The following TTYH3 variants were observed in gnomAD, a reference collection of about 807,000 sequenced individuals.
TTYH3 encodes tweety family member 3.
In TTYH3, 23 loss-of-function variants were observed where a neutral mutation model predicts 68.2. The ratio of observed to expected loss-of-function variants is 0.34; its 90% confidence interval spans 0.24 to 0.48. The LOEUF is 0.48. Among genes scored for constraint, TTYH3 ranks in the 20% least tolerant of loss-of-function variants. The pLI is 0.99. For missense variants in TTYH3, 768 were observed against 727.7 expected (o/e 1.06, Z -0.64); for synonymous variants, 360 against 332.8 (o/e 1.08, Z -0.89).
In TTYH3 at chr7:2,647,034, G is replaced by A. The variant is rs376965817; in HGVS notation, c.293+12G>A. 1,000 of 1,545,586 alleles carry A rather than the reference G, an allele frequency of 6.5e-4. 1 individual carries two copies. Among genetic ancestry groups the A allele is most frequent in the Non-Finnish European group, 7.3e-4 (837 of 1,149,186 alleles). Reference sequence around the variant, plus strand: ...ACGCTGGTGTGCAGGTGAGCGCGGTGGGGCGGGGACGGAGGGCGGGGCCAG... The same window carrying A: ...ACGCTGGTGTGCAGGTGAGCGCGGTAGGGCGGGGACGGAGGGCGGGGCCAG... On this transcript the variant is annotated intron_variant, in intron 2 of 13. Transcript: ENST00000258796.
chr7:2,644,213 G>A (rs971368358), intron 1 of TTYH3, among the ~76,000 whole-genome samples: 11 of 152,320 alleles, frequency 7.2e-5, no homozygotes, highest in East Asian at 3.9e-4. Flanking sequence ...CTGTTCTGCC[G>A]TTGGCCTCTG....
At chr7:2,661,610 C>T (rs1478204595) in intron 13 of TTYH3, 58 bp from the exon 14 acceptor site, 5 of 1,559,592 alleles carry the variant, frequency 3.2e-6, no homozygotes, top group East Asian at 2.3e-5. Flanking sequence ...GGAAGGCGCC[C>T]CTGGCTGCGT....
intron 13 of TTYH3, chr7:2,659,937 T>G: frequency 8.5e-7 from 1 of 1,182,874 alleles, no homozygotes; most frequent in Non-Finnish European, 1.1e-6. Flanking sequence ...CGGGCCCTCC[T>G]AGCGCTATCT....
rs148239402 is a variant in TTYH3, at chr7:2,658,495, C to T, written c.1424+36C>T. ...GTGGGCCTAGTGGGGCCAGCGGACA[C>T]GTCAGCTGCGGCTGAGAGCGCGGAT... On this transcript the variant is annotated intron_variant, in intron 12 of 13. Coordinates refer to ENST00000258796, the MANE Select transcript of TTYH3 (RefSeq NM_025250.3). 1,198 of 1,578,050 alleles carry T rather than the reference C, an allele frequency of 7.6e-4. 20 individuals are homozygous for T. In the East Asian group the frequency reaches 0.018, roughly 24 times the overall value.
rs182340428 is a variant in TTYH3, at chr7:2,635,340, C to T, written c.123+3062C>T. On this transcript the variant is annotated intron_variant, in intron 1 of 13. Transcript: ENST00000258796. ...CTGCACCCTCGCTCTGTCGCTTCTT[C>T]CTGCGTGACCTTGGGTGGTCCAGAC... Among the ~76,000 whole-genome samples the T allele has an allele frequency of 3.9e-4, 60 of 152,332 alleles. 1 individual carries two copies. The highest frequency in any genetic ancestry group is 1.3e-3 in the African/African-American group (54 of 41,586).
At chr7:2,640,724 A>T (rs890249961) in intron 1 of TTYH3, among the ~76,000 whole-genome samples, 7 of 152,224 alleles carry the variant, frequency 4.6e-5, no homozygotes, top group Admixed American at 3.9e-4. Flanking sequence ...GGGCATGGCC[A>T]GGAGGCCGCG....
intron 1 of TTYH3, among the ~76,000 whole-genome samples, chr7:2,644,524 C>T (rs370852983): frequency 2.0e-5 from 3 of 152,192 alleles, no homozygotes; most frequent in African/African-American, 4.8e-5. Context: ...ACCATGAGAC[C>T]GCCCTGAGCT....
At chr7:2,659,639 G>A (rs554524550) in intron 13 of TTYH3, among the ~76,000 whole-genome samples, 3 of 152,284 alleles carry the variant, frequency 2.0e-5, no homozygotes, top group African/African-American at 7.2e-5. Context: ...CTGGGGGACC[G>A]GGGAGGGGGC....
At chr7:2,653,878 A>C (rs1460180570) in intron 9 of TTYH3, among the ~76,000 whole-genome samples, 2 of 152,010 alleles carry the variant, frequency 1.3e-5, no homozygotes, top group African/African-American at 4.8e-5. Context: ...ATAAAATAAA[A>C]ATAAAAAATA....
intron 1 of TTYH3, among the ~76,000 whole-genome samples, chr7:2,642,357 G>A (rs931485714): frequency 6.6e-6 from 1 of 151,666 alleles, no homozygotes; most frequent in African/African-American, 2.4e-5. Flanking sequence ...GCTGGCCAAC[G>A]TGGTGAACTC....
chr7:2,644,942 G>T (rs754917333), intron 1 of TTYH3, among the ~76,000 whole-genome samples: 3 of 152,260 alleles, frequency 2.0e-5, no homozygotes, highest in African/African-American at 4.8e-5. Context: ...CATCCCAAGG[G>T]GGGGCCAGGC....
At chr7:2,648,301 G>T in intron 5 of TTYH3, 2 of 493,122 alleles carry the variant, frequency 4.1e-6, no homozygotes, top group Non-Finnish European at 7.2e-6. Flanking sequence ...TCTGCACGTG[G>T]GGCACTTGTA....
intron 13 of TTYH3, among the ~76,000 whole-genome samples, chr7:2,661,043 C>T (rs926320647): frequency 2.8e-5 from 4 of 143,730 alleles, no homozygotes; most frequent in Non-Finnish European, 6.1e-5. Flanking sequence ...AAGTCCAAGA[C>T]CCCCAGGAGC....
intron 1 of TTYH3, among the ~76,000 whole-genome samples, chr7:2,642,041 GC>G (rs1398365894): frequency 6.6e-6 from 1 of 152,224 alleles, no homozygotes; most frequent in Non-Finnish European, 1.5e-5. Flanking sequence ...CTGGCCTCTG[GC>G]CCCCAGGGGC....
In TTYH3 at chr7:2,640,009, T is replaced by A. The variant is rs1189569375; in HGVS notation, c.124-6844T>A. The stretch of plus-strand genomic sequence containing the variant: ...TGGTCACGCTGCCTGGCCTGCCAGC[T>A]CACCCGCCCCCGCTGTGTGACTGTG... On this transcript the variant is annotated intron_variant, in intron 1 of 13. Transcript: ENST00000258796. Among the ~76,000 whole-genome samples the A allele has an allele frequency of 4.0e-5, 6 of 148,538 alleles. No homozygotes were observed. The East Asian group carries it at 1.2e-3, about 30-fold the overall frequency.
chr7:2,661,468 A>C (rs1786494110), intron 13 of TTYH3, among the ~76,000 whole-genome samples, 200 bp from the exon 14 acceptor site: 1 of 152,094 alleles, frequency 6.6e-6, no homozygotes, highest in Non-Finnish European at 1.5e-5. Flanking sequence ...CCTCAGCCTC[A>C]GCCAGACCTA....
At chr7:2,641,970 G>A (rs553888404) in intron 1 of TTYH3, among the ~76,000 whole-genome samples, 10 of 152,220 alleles carry the variant, frequency 6.6e-5, no homozygotes, top group Non-Finnish European at 1.5e-4. Context: ...TGAGGGAGGC[G>A]CCATCTCCTT....
At chr7:2,660,951 C>G (rs757848251) in intron 13 of TTYH3, among the ~76,000 whole-genome samples, 4 of 152,226 alleles carry the variant, frequency 2.6e-5, no homozygotes, top group Non-Finnish European at 4.4e-5. Context: ...CACACTCCTG[C>G]CTGGACGAGG....
At chr7:2,643,593 C>T (rs1216065431) in intron 1 of TTYH3, among the ~76,000 whole-genome samples, 3 of 152,224 alleles carry the variant, frequency 2.0e-5, no homozygotes, top group African/African-American at 4.8e-5. Flanking sequence ...GGCATCAGCC[C>T]TCTGCACCAG....
Sources: allele counts gnomAD v4.1 joint callset (sites outside exome capture counted in the v4.1 genomes callset), GRCh38; gene constraint gnomAD v4.1.1; transcripts MANE v1.5; gene names NCBI Gene and HGNC (gene_info 2026-07-23, HGNC 2026-07-21).